The following CMSS1 variants were observed in gnomAD, a reference collection of about 807,000 sequenced individuals.
CMSS1 encodes the protein cms1 ribosomal small subunit homolog.
In CMSS1, 33 loss-of-function variants were observed where a neutral mutation model predicts 43.5. The ratio of observed to expected loss-of-function variants is 0.76; its 90% CI spans 0.57 to 1.01. CMSS1 has a LOEUF of 1.01. CMSS1 is among the 50% of genes least tolerant of loss of function. The probability of loss-of-function intolerance (pLI) is 0.00; values close to 1 mark genes in which losing one functional copy is unlikely to be tolerated. For synonymous variants in CMSS1, 115 were observed against 117.2 expected (o/e 0.98, Z 0.12); for missense variants, 313 against 326.4 (o/e 0.96, Z 0.32).
chr3:100,171,800 G>T lies in CMSS1; in HGVS notation c.519-39G>T, dbSNP rs552090250. On this transcript the variant is annotated intron_variant, in intron 6 of 9. Coordinates refer to ENST00000421999, the MANE Select transcript of CMSS1 (RefSeq NM_032359.4). ...AAGTAGTCATCGTGGCCTAGAATGA[G>T]TTGGTTTTCTTAAGCATTCACCTGC... The T allele has an allele frequency of 3.8e-6, 6 of 1,569,358 alleles. No homozygotes were observed. In the East Asian group the frequency reaches 1.3e-4, roughly 35 times the overall value.
At chr3:100,063,437 A>G (rs1466921294) in intron 1 of CMSS1, among the ~76,000 whole-genome samples, 1 of 152,152 alleles carries the variant, frequency 6.6e-6, no homozygotes, top group Non-Finnish European at 1.5e-5. Context: ...TTATCTGAAT[A>G]GCTTTTTACT....
chr3:99,971,095 T>C (rs893666114), intron 1 of CMSS1, among the ~76,000 whole-genome samples: 1 of 152,120 alleles, frequency 6.6e-6, no homozygotes, highest in Admixed American at 6.5e-5. Flanking sequence ...CCCAGCACTT[T>C]GGGAGGCCAA....
intron 1 of CMSS1, among the ~76,000 whole-genome samples, chr3:99,998,401 A>G (rs1576630429): frequency 6.6e-6 from 1 of 152,320 alleles, no homozygotes; most frequent in African/African-American, 2.4e-5. Context: ...TTTGTATACC[A>G]ACACATTCTT....
At chr3:99,852,582 A>C (rs1157860779) in intron 1 of CMSS1, among the ~76,000 whole-genome samples, 1 of 151,950 alleles carries the variant, frequency 6.6e-6, no homozygotes, top group Admixed American at 6.6e-5. Flanking sequence ...AGTAGCTGGG[A>C]TTATAGGCAC....
At chr3:100,017,755 T>G (rs1453791678) in intron 1 of CMSS1, among the ~76,000 whole-genome samples, 2 of 151,740 alleles carry the variant, frequency 1.3e-5, no homozygotes, top group Non-Finnish European at 2.9e-5. Context: ...TGAGACACTG[T>G]CTCTAAAAAT....
chr3:100,104,498 C>T (rs531847851), intron 1 of CMSS1, among the ~76,000 whole-genome samples: 1 of 152,254 alleles, frequency 6.6e-6, no homozygotes, highest in East Asian at 1.9e-4. Context: ...GTTAGCAGTT[C>T]ACAACTTTGT....
At chr3:100,157,787 G>A (rs533663990) in intron 2 of CMSS1, among the ~76,000 whole-genome samples, 27 of 152,350 alleles carry the variant, frequency 1.8e-4, no homozygotes, top group Non-Finnish European at 3.8e-4. Context: ...TAATGGGATA[G>A]TTGCTTGGCT....
intron 1 of CMSS1, among the ~76,000 whole-genome samples, chr3:99,983,460 G>GTA (rs1709214926): frequency 2.3e-4 from 16 of 69,486 alleles, no homozygotes; most frequent in African/African-American, 1.7e-3. Context: ...ATATATATAT[G>GTA]TGTGTATATA....
chr3:100,035,667 G>A lies in CMSS1; in HGVS notation c.65-111306G>A, dbSNP rs574668045. Among the ~76,000 whole-genome samples the A allele has an allele frequency of 4.6e-5, 7 of 152,254 alleles. No homozygotes were observed. In the East Asian group the frequency reaches 1.2e-3, roughly 25 times the overall value. On this transcript the variant is annotated intron_variant, in intron 1 of 9. Coordinates refer to ENST00000421999, the MANE Select transcript of CMSS1 (RefSeq NM_032359.4). The stretch of plus-strand genomic sequence containing the variant: ...TTAAAGAAATTGAACCATAGAAGAG[G>A]CAGAAACTTTTATCATTCTGATATA...
At chr3:100,005,483 A>G (rs1709962131) in intron 1 of CMSS1, among the ~76,000 whole-genome samples, 1 of 152,236 alleles carries the variant, frequency 6.6e-6, no homozygotes, top group Non-Finnish European at 1.5e-5. Context: ...CTATATTTAT[A>G]GCATCCCTGA....
intron 1 of CMSS1, among the ~76,000 whole-genome samples, chr3:99,872,316 TGTGTGTGA>T (rs1315194480): frequency 6.7e-6 from 1 of 148,888 alleles, no homozygotes; most frequent in African/African-American, 2.5e-5. Context: ...TGTGTGTGTG[TGTGTGTGA>T]CTGTGGGGCC....
chr3:99,835,878 T>C (rs565699544), intron 1 of CMSS1, among the ~76,000 whole-genome samples: 17 of 152,286 alleles, frequency 1.1e-4, no homozygotes, highest in African/African-American at 4.1e-4. Flanking sequence ...AGTAGGATTT[T>C]AGTATGAGGA....
chr3:99,901,869 A>G (rs1426082398), intron 1 of CMSS1, among the ~76,000 whole-genome samples: 1 of 152,056 alleles, frequency 6.6e-6, no homozygotes, highest in Non-Finnish European at 1.5e-5. Flanking sequence ...TTTTTTTGTG[A>G]GTGGTACCAC....
chr3:99,950,513 G>C (rs1428912374), intron 1 of CMSS1, among the ~76,000 whole-genome samples: 1 of 152,184 alleles, frequency 6.6e-6, no homozygotes, highest in Non-Finnish European at 1.5e-5. Flanking sequence ...GTTTTCACTA[G>C]TCTCCCCTGG....
At position 99,983,426 on chromosome 3, in the gene CMSS1, ATGTATG is replaced by A. The variant is rs1559713480; in HGVS notation, c.65-163545_65-163540del. Among the ~76,000 whole-genome samples, 10 of 82,798 alleles carry A rather than the reference ATGTATG, an allele frequency of 1.2e-4. 1 individual carries two copies. Among genetic ancestry groups the A allele is most frequent in the African/African-American group, 5.2e-4 (9 of 17,444 alleles). The allele number at this position is 82,798 out of a possible 152,430, so 54.3% of individuals were successfully genotyped here. On this transcript the variant is annotated intron_variant, in intron 1 of 9. Coordinates refer to ENST00000421999, the MANE Select transcript of CMSS1 (RefSeq NM_032359.4). ...TATATATATATATATATATGTATGTATGTATGTATATATATGTATGTATATATATAT... is the reference window on the plus strand; with the variant it reads ...TATATATATATATATATATGTATGTATATATATATGTATGTATATATATAT...
chr3:99,848,480 A>G, intron 1 of CMSS1: 1 of 1,614,188 alleles, frequency 6.2e-7, no homozygotes, highest in Middle Eastern at 1.6e-4. Context: ...GGACTTCCTA[A>G]GTGAATGTGG....
At chr3:99,888,793 A>G (rs1044280050) in intron 1 of CMSS1, among the ~76,000 whole-genome samples, 5 of 152,214 alleles carry the variant, frequency 3.3e-5, no homozygotes, top group African/African-American at 1.2e-4. Context: ...TTGATGTTTC[A>G]TAAATTTCCT....
intron 1 of CMSS1, among the ~76,000 whole-genome samples, chr3:99,893,622 T>TA (rs1378164680): frequency 2.0e-5 from 3 of 152,218 alleles, no homozygotes; most frequent in African/African-American, 7.2e-5. Flanking sequence ...ATCTAAGAAT[T>TA]ACATCATTTG....
chr3:99,930,749 A>G (rs1413650571), intron 1 of CMSS1: 1 of 1,611,224 alleles, frequency 6.2e-7, no homozygotes, highest in Non-Finnish European at 8.5e-7. Context: ...CATGATGGGG[A>G]TAACTCCAAC....
Sources: allele counts gnomAD v4.1 joint callset (sites outside exome capture counted in the v4.1 genomes callset), GRCh38; gene constraint gnomAD v4.1.1; transcripts MANE v1.5; gene names NCBI Gene and HGNC (gene_info 2026-07-23, HGNC 2026-07-21).